Variants in CLEC2A observed in about 807,000 individuals in gnomAD.
CLEC2A encodes the protein keratinocyte-associated C-type lectin.
A neutral mutation model predicts 18.6 loss-of-function variants in CLEC2A; 19 were observed. The ratio of observed to expected loss-of-function variants is 1.02; its 90% CI spans 0.71 to 1.50. The LOEUF (loss-of-function observed/expected upper bound fraction) is 1.50, where lower values mean the gene tolerates loss of function less well. Ranked by LOEUF, CLEC2A falls within the 40% of genes most tolerant of loss-of-function variation. CLEC2A has a pLI of 0.00. For synonymous variants in CLEC2A, 74 were observed against 64.0 expected, an observed-to-expected ratio of 1.16 and a Z score of -0.75; for missense variants, 190 against 207.9, an observed-to-expected ratio of 0.91 and a Z score of 0.53.
chr12:9,918,451 G>T lies in CLEC2A; in HGVS notation c.307-1648C>A, dbSNP rs113520976. 3.3e-5 allele frequency among the ~76,000 whole-genome samples: 5 copies of T among 152,148 alleles called. No individual in the cohort carries two copies. In the East Asian group the frequency reaches 9.6e-4, roughly 29 times the overall value. On this transcript the variant is annotated intron_variant, in intron 3 of 4. Transcript: ENST00000455827. ...TCTGGGCTCTCTATTCTGTTCCACT[G>T]GTCTATGTGCCTGTTTTTGTACCAG...
chr12:9,922,962 A>G (rs917390120), intron 2 of CLEC2A, among the ~76,000 whole-genome samples: 1 of 152,182 alleles, frequency 6.6e-6, no homozygotes, highest in African/African-American at 2.4e-5. Context: ...AGAAGTGGAT[A>G]CAGGCTACTA....
At chr12:9,905,773 C>T (rs1862898386) in intron 4 of CLEC2A, among the ~76,000 whole-genome samples, 2 of 152,150 alleles carry the variant, frequency 1.3e-5, no homozygotes, top group Non-Finnish European at 2.9e-5. Flanking sequence ...CATTATCTGA[C>T]TCAACATTTT....
intron 1 of CLEC2A, among the ~76,000 whole-genome samples, 154 bp downstream of exon 1, chr12:9,932,121 C>T (rs1863385050): frequency 6.6e-6 from 1 of 152,248 alleles, no homozygotes; most frequent in Non-Finnish European, 1.5e-5. Context: ...TCTACATGCT[C>T]TAACAGGCTT....
rs868366195 is a variant in CLEC2A, at chr12:9,922,317, G to T, written c.140-85C>A. On this transcript the variant is annotated intron_variant, in intron 2 of 4. Transcript: ENST00000455827. ...TTCAGGTGTATTAATTTTACTTTTT[G>T]CTTCCACAGTTTGAGGCCCGTAAGT... The T allele has an allele frequency of 2.5e-6, 3 of 1,220,342 alleles. No individual in the cohort carries two copies. In the Middle Eastern group the frequency reaches 6.5e-4, roughly 264 times the overall value. The allele number at this position is 1,220,342 out of a possible 1,614,324, so 75.6% of individuals were successfully genotyped here. A position where few individuals can be genotyped will look rare whatever the true frequency, so the allele number is the denominator to read the frequency against.
the CLEC2A span, among the ~76,000 whole-genome samples, chr12:9,892,153 T>A: frequency 6.6e-6 from 1 of 152,308 alleles, no homozygotes; most frequent in South Asian, 2.1e-4. Context: ...GTCTTACAGA[T>A]AGCAGAAATT....
the CLEC2A span, among the ~76,000 whole-genome samples, chr12:9,886,341 A>G: frequency 6.6e-6 from 1 of 152,212 alleles, no homozygotes; most frequent in Non-Finnish European, 1.5e-5. Flanking sequence ...TATCCATAGA[A>G]GAAGAAAAGA....
In CLEC2A at chr12:9,916,765, C is replaced by G. The variant is rs1863079432; in HGVS notation, c.345G>C (p.Trp115Cys). Residue 115 changes from tryptophan to cysteine, a missense_variant, in exon 4 of 5, where the codon TGG becomes TGC. Transcript: ENST00000455827. Reference protein sequence around the residue: ...LKRYAGTDMHWIGLSRKQGDS... With the variant: ...LKRYAGTDMHCIGLSRKQGDS... ...CTCCTTGTTTCCTGCTTAGTCCAATCCAGTGCATATCAGTTCCTGCGTACC... is the reference window on the plus strand; with the variant it reads ...CTCCTTGTTTCCTGCTTAGTCCAATGCAGTGCATATCAGTTCCTGCGTACC... 1 of 1,551,316 alleles carries G rather than the reference C, an allele frequency of 6.4e-7. No homozygotes were observed. The highest frequency in any genetic ancestry group is 1.4e-5 in the African/African-American group (1 of 73,020).
In CLEC2A at chr12:9,922,142, C is replaced by T. The variant is rs1863183644; in HGVS notation, c.230G>A (p.Arg77Lys). The change falls in exon 3 of 5, where the codon AGA becomes AAA. Residue 77 changes from arginine to lysine, a missense_variant. Coordinates refer to ENST00000455827, the MANE Select transcript of CLEC2A (RefSeq NM_001130711.2). ...DKCFYFSDDTRNWTASKIFCS... is the reference protein window; with the variant it reads ...DKCFYFSDDTKNWTASKIFCS... ...AAATATTTTACTGGCTGTCCAATTTCTGGTATCATCAGAAAAATAGAAACA... is the reference window on the plus strand; with the variant it reads ...AAATATTTTACTGGCTGTCCAATTTTTGGTATCATCAGAAAAATAGAAACA... 3 of 1,550,880 alleles carry T rather than the reference C, an allele frequency of 1.9e-6. No individual in the cohort carries two copies. Among genetic ancestry groups the T allele is most frequent in the African/African-American group, 1.4e-5 (1 of 72,954 alleles).
downstream of CLEC2A, among the ~76,000 whole-genome samples, chr12:9,893,737 T>C (rs1460477403): frequency 6.6e-6 from 1 of 152,080 alleles, no homozygotes; most frequent in Non-Finnish European, 1.5e-5. Context: ...CTCTCTTCTT[T>C]AACATTCACT....
intron 4 of CLEC2A, among the ~76,000 whole-genome samples, chr12:9,904,038 A>T (rs1399348647): frequency 6.6e-6 from 1 of 152,182 alleles, no homozygotes; most frequent in Non-Finnish European, 1.5e-5. Flanking sequence ...TCACAATACT[A>T]CCATACATCC....
At chr12:9,908,705 C>A (rs78327904), downstream of CLEC2A, among the ~76,000 whole-genome samples, 2 of 152,164 alleles carry the variant, frequency 1.3e-5, no homozygotes, top group Admixed American at 1.3e-4. Flanking sequence ...CTTAAAGAGA[C>A]CTGTTCTTCC....
intron 3 of CLEC2A, among the ~76,000 whole-genome samples, chr12:9,918,681 T>A (rs1265761216): frequency 6.6e-6 from 1 of 152,118 alleles, no homozygotes; most frequent in Non-Finnish European, 1.5e-5. Context: ...TGAATTTCTG[T>A]CAGTTCAATG....
chr12:9,898,087 A>T (rs959049354), downstream of CLEC2A, among the ~76,000 whole-genome samples: 2 of 152,248 alleles, frequency 1.3e-5, no homozygotes, highest in Non-Finnish European at 2.9e-5. Flanking sequence ...CTTGTTTTTC[A>T]TGTGATGCCA....
chr12:9,888,735 A>T, the CLEC2A span: 2 of 1,487,020 alleles, frequency 1.3e-6, no homozygotes, highest in African/African-American at 1.4e-5. Flanking sequence ...GAGTACAGAT[A>T]AAAAAATGGA....
chr12:9,886,803 C>G, the CLEC2A span, among the ~76,000 whole-genome samples: 1 of 133,152 alleles, frequency 7.5e-6, no homozygotes, highest in Non-Finnish European at 1.6e-5. Context: ...CTCTCTAAAA[C>G]AGTGAGATAT....
At chr12:9,879,661 G>A in the CLEC2A span, among the ~76,000 whole-genome samples, 1 of 152,292 alleles carries the variant, frequency 6.6e-6, no homozygotes, top group South Asian at 2.1e-4. Flanking sequence ...AGAACTGGTT[G>A]CACACAATAG....
At chr12:9,909,247 A>T (rs928686396), downstream of CLEC2A, among the ~76,000 whole-genome samples, 1 of 152,034 alleles carries the variant, frequency 6.6e-6, no homozygotes, top group Non-Finnish European at 1.5e-5. Flanking sequence ...CTTATTCTTG[A>T]GTTCTTTTTA....
intron 4 of CLEC2A, among the ~76,000 whole-genome samples, chr12:9,905,725 C>T (rs1862897808): frequency 6.6e-6 from 1 of 152,092 alleles, no homozygotes; most frequent in African/African-American, 2.4e-5. Context: ...ATTTCTAATA[C>T]TTGGGCTTTT....
downstream of CLEC2A, among the ~76,000 whole-genome samples, chr12:9,910,623 A>G (rs1333337968): frequency 6.6e-6 from 1 of 152,100 alleles, no homozygotes; most frequent in Non-Finnish European, 1.5e-5. Flanking sequence ...TACCATTCAC[A>G]CACTTTCAAC....
Sources: gnomAD v4.1 joint callset for allele counts (sites outside exome capture counted in the v4.1 genomes callset) on GRCh38, gnomAD v4.1.1 for gene constraint, MANE v1.5 for transcripts, NCBI Gene and HGNC (gene_info 2026-07-23, HGNC 2026-07-21) for gene names.